The following TBCK variants were observed in gnomAD, a reference collection of about 807,000 sequenced individuals.
TBCK encodes the protein TBC1 domain containing kinase.
Under a neutral mutation model 113.4 loss-of-function variants are expected in TBCK, and 99 were observed. The ratio of observed to expected loss-of-function variants is 0.87; its 90% CI spans 0.74 to 1.03. TBCK has a LOEUF of 1.03. TBCK is among the 50% of genes least tolerant of loss of function. The probability of loss-of-function intolerance (pLI) is 0.00; values close to 1 mark genes in which losing one functional copy is unlikely to be tolerated. For missense variants in TBCK, 1,045 were observed against 1,061.3 expected (o/e 0.98, Z 0.21); for synonymous variants, 369 against 370.8 (o/e 1.00, Z 0.05).
chr4:106,110,494 T>C (rs894528764), intron 24 of TBCK, among the ~76,000 whole-genome samples: 2 of 152,144 alleles, frequency 1.3e-5, no homozygotes, highest in Non-Finnish European at 2.9e-5. Flanking sequence ...CAACAGTATA[T>C]AAAAGCATTG....
chr4:106,171,402 T>TAA (rs11386971), intron 22 of TBCK, 132 bp from the exon 23 acceptor site: 1,739 of 602,562 alleles, frequency 2.9e-3, no homozygotes, highest in Non-Finnish European at 3.4e-3. Context: ...AAAATGTCAG[T>TAA]AAAAAAAACA....
chr4:106,213,154 G>A (rs919012595), intron 19 of TBCK, among the ~76,000 whole-genome samples: 1 of 152,102 alleles, frequency 6.6e-6, no homozygotes, highest in South Asian at 2.1e-4. Context: ...AATCTGCTTT[G>A]TATTTCTTGA....
intron 19 of TBCK, among the ~76,000 whole-genome samples, chr4:106,214,479 A>G (rs1312268728): frequency 6.6e-6 from 1 of 150,640 alleles, no homozygotes; most frequent in African/African-American, 2.4e-5. Flanking sequence ...AAAATTTAGA[A>G]GAATGTATAA....
At chr4:106,077,368 TAG>T (rs963321227) in intron 25 of TBCK, among the ~76,000 whole-genome samples, 1 of 152,158 alleles carries the variant, frequency 6.6e-6, no homozygotes, top group Non-Finnish European at 1.5e-5. Flanking sequence ...TTAAATGGTA[TAG>T]AGTGTCAAGG....
At chr4:106,206,255 G>T (rs970104049) in intron 20 of TBCK, among the ~76,000 whole-genome samples, 1 of 152,142 alleles carries the variant, frequency 6.6e-6, no homozygotes, top group African/African-American at 2.4e-5. Context: ...TGCAAATGAG[G>T]ATTTACTGAA....
intron 3 of TBCK, among the ~76,000 whole-genome samples, chr4:106,288,391 C>T (rs534633695): frequency 2.0e-5 from 3 of 149,790 alleles, no homozygotes; most frequent in Non-Finnish European, 4.4e-5. Context: ...GAGACTCCGT[C>T]TCAAAAAAAA....
At chr4:106,210,481 C>T (rs1756000100) in intron 20 of TBCK, among the ~76,000 whole-genome samples, 1 of 152,128 alleles carries the variant, frequency 6.6e-6, no homozygotes, top group Non-Finnish European at 1.5e-5. Context: ...TATAAGCTTT[C>T]AAGGAGGGTA....
intron 4 of TBCK, among the ~76,000 whole-genome samples, 180 bp from the exon 5 acceptor site, chr4:106,260,690 AAT>A (rs1762426539): frequency 6.6e-6 from 1 of 151,938 alleles, no homozygotes; most frequent in South Asian, 2.1e-4. Context: ...ACTATCTGCC[AAT>A]AGTCTGCTTT....
chr4:106,259,079 A>G (rs977285259), intron 5 of TBCK, among the ~76,000 whole-genome samples: 8 of 151,932 alleles, frequency 5.3e-5, no homozygotes, highest in African/African-American at 1.4e-4. Flanking sequence ...TATCTTATTT[A>G]TTTTTGTAAA....
chr4:106,064,724 C>T (rs1293539399), intron 25 of TBCK, among the ~76,000 whole-genome samples: 3 of 151,836 alleles, frequency 2.0e-5, no homozygotes, highest in African/African-American at 7.3e-5. Context: ...GACTAACATA[C>T]CAATAAGACA....
intron 2 of TBCK, among the ~76,000 whole-genome samples, chr4:106,304,700 A>T (rs1767322212): frequency 6.6e-6 from 1 of 152,186 alleles, no homozygotes; most frequent in African/African-American, 2.4e-5. Flanking sequence ...CTTTGACATA[A>T]GGATTTTGAG....
intron 5 of TBCK, among the ~76,000 whole-genome samples, chr4:106,257,032 T>C (rs1308120792): frequency 6.6e-6 from 1 of 152,120 alleles, no homozygotes; most frequent in Non-Finnish European, 1.5e-5. Flanking sequence ...ATACTCAGTA[T>C]AGTTTTGCTT....
intron 22 of TBCK, among the ~76,000 whole-genome samples, chr4:106,186,793 T>TA (rs1215969340): frequency 6.6e-5 from 10 of 152,160 alleles, no homozygotes; most frequent in Non-Finnish European, 1.2e-4. Flanking sequence ...CTTGAGGACT[T>TA]AGTCATAAAT....
chr4:106,244,984 G>C (rs1164935655), intron 10 of TBCK, among the ~76,000 whole-genome samples: 1 of 152,142 alleles, frequency 6.6e-6, no homozygotes, highest in Admixed American at 6.5e-5. Context: ...ATCTGTAAGA[G>C]AGGTGAGGAC....
rs143444574 is a variant in TBCK, at chr4:106,304,011, C to T, written c.193+4757G>A. On this transcript the variant is annotated intron_variant, in intron 2 of 25. Coordinates refer to ENST00000394708, the MANE Select transcript of TBCK (RefSeq NM_001163435.3). Reference sequence around the variant, plus strand: ...GAATGAAGTTTAATGCACATACACACGGTTCTCCTTTCATAAATATTCATA... The same window carrying T: ...GAATGAAGTTTAATGCACATACACATGGTTCTCCTTTCATAAATATTCATA... Among the ~76,000 whole-genome samples, 1,139 of 152,202 alleles carry T rather than the reference C, an allele frequency of 7.5e-3. 9 individuals are homozygous for T. Among genetic ancestry groups the T allele is most frequent in the African/African-American group, 0.026 (1,069 of 41,518 alleles).
chr4:106,112,129 C>T lies in TBCK; in HGVS notation c.2411+4074G>A, dbSNP rs537820343. 2.9e-3 allele frequency among the ~76,000 whole-genome samples: 429 copies of T among 149,378 alleles called. 3 individuals are homozygous for T. The highest frequency in any genetic ancestry group is 9.8e-3 in the African/African-American group (401 of 40,728). ...TAGAATGGGTTTTTTGCTCACATAC[C>T]GGGACTAAAACACTCTTTCCCTATA... is the stretch of plus-strand genomic sequence containing the variant. On this transcript the variant is annotated intron_variant, in intron 24 of 25. Transcript: ENST00000394708.
rs1466192608 is a variant in TBCK, at chr4:106,135,455, C to CT, written c.2236-19078dup. On this transcript the variant is annotated intron_variant, in intron 23 of 25. Coordinates refer to ENST00000394708, the MANE Select transcript of TBCK (RefSeq NM_001163435.3). ...ATGTACACTTAACCACATCACTACC[C>CT]TGCCTCTCTTGTAAGATTCCATGTA... Among the ~76,000 whole-genome samples, 2 of 96,728 alleles carry CT rather than the reference C, an allele frequency of 2.1e-5. 1 individual carries two copies. Among genetic ancestry groups the CT allele is most frequent in the Non-Finnish European group, 5.3e-5 (2 of 37,582 alleles). The allele number at this position is 96,728 out of a possible 152,430, so 63.5% of individuals were successfully genotyped here. A position where few individuals can be genotyped will look rare whatever the true frequency, so the allele number is the denominator to read the frequency against.
intron 20 of TBCK, among the ~76,000 whole-genome samples, chr4:106,202,011 C>A (rs1217664770): frequency 6.6e-6 from 1 of 151,922 alleles, no homozygotes; most frequent in African/African-American, 2.4e-5. Context: ...TCTCCTTGAA[C>A]CTTTAGGATT....
upstream of TBCK, chr4:106,316,348 C>A: frequency 1.7e-6 from 1 of 576,056 alleles, no homozygotes; most frequent in Admixed American, 2.6e-5. Context: ...GAAAGAGGTG[C>A]GGGGGGACGG....
Sources: allele counts gnomAD v4.1 joint callset (sites outside exome capture counted in the v4.1 genomes callset), GRCh38; gene constraint gnomAD v4.1.1; transcripts MANE v1.5; gene names NCBI Gene and HGNC (gene_info 2026-07-23, HGNC 2026-07-21).